TTC28: variants seen among roughly 807,000 people sequenced by gnomAD.
The protein encoded by TTC28 is tetratricopeptide repeat protein 28.
In TTC28, 61 loss-of-function variants were observed where a neutral mutation model predicts 198.0. That is an observed-to-expected ratio of 0.31 (90% confidence interval 0.25 to 0.38). TTC28 has a LOEUF of 0.38. Among genes scored for constraint, TTC28 ranks in the 10% least tolerant of loss-of-function variants. TTC28 has a pLI of 1.00. For synonymous variants in TTC28, 1,171 were observed against 1,297.8 expected (o/e 0.90, Z 2.10); for missense variants, 2,678 against 3,164.0 (o/e 0.85, Z 3.69).
intron 2 of TTC28, among the ~76,000 whole-genome samples, chr22:28,597,722 G>A (rs1050934376): frequency 1.3e-5 from 2 of 152,140 alleles, no homozygotes; most frequent in Non-Finnish European, 2.9e-5. Flanking sequence ...TACATAAGGA[G>A]AATGAATACT....
intron 2 of TTC28, among the ~76,000 whole-genome samples, chr22:28,547,206 G>C (rs12161029): frequency 6.2e-4 from 93 of 150,310 alleles, no homozygotes; most frequent in African/African-American, 2.1e-3. Flanking sequence ...GTGTGTATGT[G>C]TGTGTGTGAG....
At chr22:28,528,105 G>A (rs2049044718) in intron 2 of TTC28, among the ~76,000 whole-genome samples, 2 of 152,110 alleles carry the variant, frequency 1.3e-5, no homozygotes, top group Admixed American at 1.3e-4. Flanking sequence ...AATTTGGGGG[G>A]CACATTCAAA....
intron 2 of TTC28, among the ~76,000 whole-genome samples, chr22:28,577,587 G>A (rs1283164457): frequency 6.6e-6 from 1 of 152,046 alleles, no homozygotes; most frequent in Admixed American, 6.6e-5. Flanking sequence ...AGCCATTACT[G>A]TATTGGGATC....
At chr22:28,302,340 A>C (rs1229372391) in intron 3 of TTC28, among the ~76,000 whole-genome samples, 1 of 152,220 alleles carries the variant, frequency 6.6e-6, no homozygotes, top group Non-Finnish European at 1.5e-5. Context: ...AGAGGACCTT[A>C]GGTACTACGT....
intron 6 of TTC28, among the ~76,000 whole-genome samples, chr22:28,154,234 TGAGA>T (rs1943689923): frequency 6.6e-6 from 1 of 152,050 alleles, no homozygotes; most frequent in South Asian, 2.1e-4. Context: ...TAAATTAGAA[TGAGA>T]AAGAAGGCCA....
At chr22:28,546,690 A>C (rs942572892) in intron 2 of TTC28, among the ~76,000 whole-genome samples, 1 of 152,208 alleles carries the variant, frequency 6.6e-6, no homozygotes, top group Non-Finnish European at 1.5e-5. Flanking sequence ...AGTGTTATTC[A>C]TAATACTAAA....
In TTC28 at chr22:28,197,541, G is replaced by A. The variant is rs151037098; in HGVS notation, c.934-33942C>T. 2.6e-3 allele frequency among the ~76,000 whole-genome samples: 392 copies of A among 152,090 alleles called. 2 individuals carry two copies. The highest frequency in any genetic ancestry group is 8.9e-3 in the African/African-American group (370 of 41,512). ...GTGATTACTTCATCTCTAAAATGGG[G>A]AAGGACTTTTAAAGCCTAAAAATGA... On this transcript the variant is annotated intron_variant, in intron 5 of 22. Coordinates refer to ENST00000397906, the MANE Select transcript of TTC28 (RefSeq NM_001145418.2).
chr22:28,216,256 G>A (rs1927392501), intron 5 of TTC28, among the ~76,000 whole-genome samples: 1 of 152,196 alleles, frequency 6.6e-6, no homozygotes, highest in Admixed American at 6.5e-5. Context: ...TATCATAGCT[G>A]ATTTGAAAGA....
At chr22:28,416,907 C>T (rs2047175007) in intron 2 of TTC28, among the ~76,000 whole-genome samples, 2 of 152,154 alleles carry the variant, frequency 1.3e-5, no homozygotes, top group Non-Finnish European at 2.9e-5. Flanking sequence ...ATATAAAGAA[C>T]ATATTCATAG....
chr22:28,222,097 G>A (rs564628391), intron 5 of TTC28, among the ~76,000 whole-genome samples: 1 of 152,268 alleles, frequency 6.6e-6, no homozygotes, highest in East Asian at 1.9e-4. Context: ...CAATATTGAT[G>A]GGAGCTCTGT....
chr22:28,245,643 TA>T (rs901748374), intron 5 of TTC28, among the ~76,000 whole-genome samples: 1 of 152,202 alleles, frequency 6.6e-6, no homozygotes, highest in Non-Finnish European at 1.5e-5. Context: ...CATGATGCAC[TA>T]AAAAAATGCA....
At chr22:28,338,987 T>C (rs1316270049) in intron 2 of TTC28, among the ~76,000 whole-genome samples, 4 of 152,238 alleles carry the variant, frequency 2.6e-5, no homozygotes, top group Non-Finnish European at 4.4e-5. Flanking sequence ...GCTCTGTTTT[T>C]TCCCCATCTT....
rs746032933 is a variant in TTC28, at chr22:28,231,882, G to T, written c.933+64316C>A. ...TAATCAATGGTGTGAAGATGTAAGG[G>T]ACGTTTTCTTTCTGATTTGATACAA... is the stretch of plus-strand genomic sequence containing the variant. On this transcript the variant is annotated intron_variant, in intron 5 of 22. Transcript: ENST00000397906. Among the ~76,000 whole-genome samples the T allele has an allele frequency of 2.6e-5, 4 of 152,296 alleles. No individual in the cohort carries two copies. The South Asian group carries it at 6.2e-4, about 24-fold the overall frequency.
At chr22:28,568,577 T>C (rs1382228929) in intron 2 of TTC28, among the ~76,000 whole-genome samples, 2 of 152,230 alleles carry the variant, frequency 1.3e-5, no homozygotes, top group African/African-American at 4.8e-5. Context: ...ATGTCCTAGC[T>C]AAGAGCCAAA....
intron 2 of TTC28, among the ~76,000 whole-genome samples, chr22:28,571,241 C>G (rs910246752): frequency 6.6e-6 from 1 of 152,082 alleles, no homozygotes; most frequent in African/African-American, 2.4e-5. Context: ...CACTTCTACC[C>G]GACTAAATTT....
chr22:28,037,866 C>T (rs1269312932), intron 12 of TTC28, among the ~76,000 whole-genome samples: 1 of 152,176 alleles, frequency 6.6e-6, no homozygotes. Flanking sequence ...CCTTCCTATA[C>T]ACCAAAAACA....
At chr22:28,407,301 A>C (rs1417323368) in intron 2 of TTC28, among the ~76,000 whole-genome samples, 2 of 152,198 alleles carry the variant, frequency 1.3e-5, no homozygotes, top group Non-Finnish European at 2.9e-5. Context: ...AGCAAACACA[A>C]GCACAGCAAT....
chr22:28,108,997 G>T (rs769611775), intron 6 of TTC28, among the ~76,000 whole-genome samples: 3 of 152,230 alleles, frequency 2.0e-5, no homozygotes, highest in Non-Finnish European at 4.4e-5. Context: ...CACACCAACT[G>T]CTGGGGACAT....
chr22:28,464,558 A>G (rs2047993252), intron 2 of TTC28, among the ~76,000 whole-genome samples: 1 of 152,112 alleles, frequency 6.6e-6, no homozygotes, highest in Admixed American at 6.6e-5. Flanking sequence ...TCTATCTATG[A>G]AAAAGACTAA....
Sources: gnomAD v4.1 joint callset for allele counts (sites outside exome capture counted in the v4.1 genomes callset) on GRCh38, gnomAD v4.1.1 for gene constraint, MANE v1.5 for transcripts, NCBI Gene and HGNC (gene_info 2026-07-23, HGNC 2026-07-21) for gene names.